CDKAL1: variants seen among roughly 807,000 people sequenced by gnomAD.
CDKAL1 encodes CDKAL1 threonylcarbamoyladenosine tRNA methylthiotransferase, also known as threonylcarbamoyladenosine tRNA methylthiotransferase.
CDKAL1 carries 32 observed loss-of-function variants against 68.2 expected under a neutral mutation model. The ratio of observed to expected loss-of-function variants is 0.47; its 90% CI spans 0.35 to 0.63. The LOEUF (loss-of-function observed/expected upper bound fraction) is 0.63, where lower values mean the gene tolerates loss of function less well. CDKAL1 is among the 30% of genes least tolerant of loss of function. The pLI is 0.00. For missense variants in CDKAL1, 606 were observed against 696.7 expected, an observed-to-expected ratio of 0.87 and a Z score of 1.47; for synonymous variants, 234 against 244.3, an observed-to-expected ratio of 0.96 and a Z score of 0.39.
At chr6:21,150,393 C>T (rs113751554) in intron 13 of CDKAL1, among the ~76,000 whole-genome samples, 61 of 152,294 alleles carry the variant, frequency 4.0e-4, no homozygotes, top group African/African-American at 1.4e-3. Context: ...AGCTTGCTTC[C>T]ATGGCCATTT....
intron 4 of CDKAL1, among the ~76,000 whole-genome samples, chr6:20,592,796 G>A (rs1399544317): frequency 6.6e-6 from 1 of 152,140 alleles, no homozygotes; most frequent in Admixed American, 6.5e-5. Flanking sequence ...TTTGGTATTG[G>A]CTATGGATTT....
At chr6:20,955,629 C>T (rs1764740570) in intron 10 of CDKAL1, 44 bp downstream of exon 10, 1 of 1,546,940 alleles carries the variant, frequency 6.5e-7, no homozygotes, top group Non-Finnish European at 8.8e-7. Flanking sequence ...AGACACTAAC[C>T]AGTCCAGACA....
chr6:20,649,526 G>T, intron 5 of CDKAL1, 149 bp downstream of exon 5: 1 of 523,996 alleles, frequency 1.9e-6, no homozygotes, highest in African/African-American at 2.0e-5. Flanking sequence ...TTTTGAATTT[G>T]TCTGATACAG....
intron 9 of CDKAL1, among the ~76,000 whole-genome samples, chr6:20,911,393 C>A (rs557573412): frequency 1.8e-4 from 28 of 152,176 alleles, no homozygotes; most frequent in Non-Finnish European, 1.5e-4. Flanking sequence ...GAAAAGGAGG[C>A]GCTCTGTTGA....
At chr6:21,215,075 A>G (rs891324928) in intron 15 of CDKAL1, among the ~76,000 whole-genome samples, 3 of 152,156 alleles carry the variant, frequency 2.0e-5, no homozygotes, top group African/African-American at 7.2e-5. Context: ...TCACTCACAC[A>G]TCTGCAGTGC....
intron 5 of CDKAL1, among the ~76,000 whole-genome samples, chr6:20,728,159 C>G (rs549235023): frequency 6.6e-6 from 1 of 152,180 alleles, no homozygotes; most frequent in Non-Finnish European, 1.5e-5. Flanking sequence ...TTTAAGTGTT[C>G]ATGTGTATTT....
At chr6:21,079,766 C>G (rs2150955137) in intron 12 of CDKAL1, among the ~76,000 whole-genome samples, 1 of 152,280 alleles carries the variant, frequency 6.6e-6, no homozygotes, top group East Asian at 1.9e-4. Flanking sequence ...CTGGACCAGG[C>G]CCAACCTCTT....
chr6:21,016,140 GTATATATATGTGTA>G (rs1768316445), intron 11 of CDKAL1, among the ~76,000 whole-genome samples: 2 of 139,858 alleles, frequency 1.4e-5, no homozygotes, highest in Admixed American at 1.5e-4. Context: ...ATATATATGT[GTATATATATGTGTA>G]TATATATATA....
chr6:20,897,504 C>G (rs1013848474), intron 9 of CDKAL1, among the ~76,000 whole-genome samples: 2 of 152,070 alleles, frequency 1.3e-5, no homozygotes, highest in Non-Finnish European at 2.9e-5. Flanking sequence ...CAGCCAGATG[C>G]CTCAGATAAC....
intron 4 of CDKAL1, among the ~76,000 whole-genome samples, chr6:20,598,332 T>C (rs1765930159): frequency 6.6e-6 from 1 of 152,224 alleles, no homozygotes; most frequent in South Asian, 2.1e-4. Context: ...TATTTACTTT[T>C]GTTAATATTA....
Position 20,875,328 on chromosome 6 carries a change from A to G in CDKAL1, c.742+29150A>G, listed in dbSNP as rs1026397583. ...CTCAAAAAAAAAAAAAAAAAAAAAAAAAAGTCTAGCCCTTTTGATAAGTAG... is the reference window on the plus strand; with the variant it reads ...CTCAAAAAAAAAAAAAAAAAAAAAAGAAAGTCTAGCCCTTTTGATAAGTAG... On this transcript the variant is annotated intron_variant, in intron 9 of 15. Coordinates refer to ENST00000274695, the MANE Select transcript of CDKAL1 (RefSeq NM_017774.3). Among the ~76,000 whole-genome samples the G allele has an allele frequency of 1.0e-4, 15 of 145,788 alleles. 1 individual carries two copies. Among genetic ancestry groups the G allele is most frequent in the African/African-American group, 3.7e-4 (15 of 40,160 alleles).
At chr6:20,800,083 C>T (rs1359645745) in intron 8 of CDKAL1, among the ~76,000 whole-genome samples, 1 of 152,208 alleles carries the variant, frequency 6.6e-6, no homozygotes, top group African/African-American at 2.4e-5. Context: ...GCATGGATTC[C>T]CTACAATATC....
At chr6:20,926,122 A>G (rs1436391493) in intron 9 of CDKAL1, among the ~76,000 whole-genome samples, 1 of 152,150 alleles carries the variant, frequency 6.6e-6, no homozygotes, top group Admixed American at 6.6e-5. Context: ...ACATGACATC[A>G]GTATGGGAGA....
chr6:21,004,198 G>A (rs1386349082), intron 11 of CDKAL1, among the ~76,000 whole-genome samples: 1 of 152,196 alleles, frequency 6.6e-6, no homozygotes, highest in Admixed American at 6.5e-5. Flanking sequence ...GGTATTGGTA[G>A]AGCCATGAAA....
intron 11 of CDKAL1, among the ~76,000 whole-genome samples, chr6:21,002,816 C>T (rs1297574709): frequency 9.3e-5 from 14 of 151,130 alleles, no homozygotes; most frequent in Admixed American, 3.9e-4. Context: ...GGTGAAACCC[C>T]GTCTGTATCA....
At chr6:21,074,606 G>C (rs150176113) in intron 12 of CDKAL1, among the ~76,000 whole-genome samples, 3 of 152,088 alleles carry the variant, frequency 2.0e-5, no homozygotes, top group Non-Finnish European at 4.4e-5. Flanking sequence ...GGTGAAACTT[G>C]AGAGATCTGC....
intron 12 of CDKAL1, among the ~76,000 whole-genome samples, chr6:21,077,767 A>T (rs1772153579): frequency 6.6e-6 from 1 of 152,222 alleles, no homozygotes; most frequent in South Asian, 2.1e-4. Context: ...ATTCGACATG[A>T]GATTTGGGTG....
intron 5 of CDKAL1, among the ~76,000 whole-genome samples, chr6:20,685,183 T>C (rs891830733): frequency 3.3e-5 from 5 of 152,218 alleles, no homozygotes; most frequent in Non-Finnish European, 7.3e-5. Context: ...TTGTCAAGAA[T>C]GTAAGGTCTG....
chr6:21,179,863 A>G (rs1777723372), intron 13 of CDKAL1, among the ~76,000 whole-genome samples: 1 of 152,180 alleles, frequency 6.6e-6, no homozygotes. Flanking sequence ...CTACAAAACA[A>G]TACAAAAATT....
Sources: gnomAD v4.1 joint callset for allele counts (sites outside exome capture counted in the v4.1 genomes callset) on GRCh38, gnomAD v4.1.1 for gene constraint, MANE v1.5 for transcripts, NCBI Gene and HGNC (gene_info 2026-07-23, HGNC 2026-07-21) for gene names.